The following RNF152 variants were observed in gnomAD, a reference collection of about 807,000 sequenced individuals.
The protein encoded by RNF152 is ring finger protein 152.
A neutral mutation model predicts 12.7 loss-of-function variants in RNF152; 11 were observed. The ratio of observed to expected loss-of-function variants is 0.86; its 90% CI spans 0.54 to 1.43. RNF152 has a LOEUF of 1.43. RNF152 is among the 40% of genes most tolerant of loss of function. The probability of loss-of-function intolerance (pLI) is 0.00; values close to 1 mark genes in which losing one functional copy is unlikely to be tolerated. For missense variants in RNF152, 255 were observed against 274.8 expected (o/e 0.93, Z 0.51); for synonymous variants, 113 against 120.3 (o/e 0.94, Z 0.40).
At chr18:61,884,761 G>A (rs1176509930) in intron 1 of RNF152, among the ~76,000 whole-genome samples, 3 of 152,170 alleles carry the variant, frequency 2.0e-5, no homozygotes, top group Admixed American at 2.0e-4. Context: ...GTTTCTCCAT[G>A]TTGGCCAGGC....
intron 1 of RNF152, among the ~76,000 whole-genome samples, chr18:61,858,296 C>T (rs1043991013): frequency 1.3e-5 from 2 of 152,020 alleles, no homozygotes; most frequent in Admixed American, 1.3e-4. Flanking sequence ...CCTGCCAGCC[C>T]CTCCCTCCCC....
chr18:61,844,130 G>T lies in RNF152; in HGVS notation c.-135-27532C>A, dbSNP rs1599288070. 1.5e-5 allele frequency among the ~76,000 whole-genome samples: 2 copies of T among 134,376 alleles called. 1 individual carries two copies. The highest frequency in any genetic ancestry group is 5.0e-4 in the South Asian group (2 of 4,000). 88.2% of individuals were successfully genotyped at this position (134,376 alleles called of 152,430 possible). A position where few individuals can be genotyped will look rare whatever the true frequency, so the allele number is the denominator to read the frequency against. On this transcript the variant is annotated intron_variant, in intron 1 of 1. Coordinates refer to ENST00000312828, the MANE Select transcript of RNF152 (RefSeq NM_173557.3). ...AGAAAGAAAGAAAGAAAGAAAGAAAGAAAGAAAGAAATTAAGAGAAAAGGA... is the reference window on the plus strand; with the variant it reads ...AGAAAGAAAGAAAGAAAGAAAGAAATAAAGAAAGAAATTAAGAGAAAAGGA...
At chr18:61,869,943 G>A (rs967152967) in intron 1 of RNF152, among the ~76,000 whole-genome samples, 1 of 152,188 alleles carries the variant, frequency 6.6e-6, no homozygotes, top group African/African-American at 2.4e-5. Flanking sequence ...GTGTCACTAG[G>A]ATTTGCTAGA....
At chr18:61,846,865 C>T (rs1910762310) in intron 1 of RNF152, among the ~76,000 whole-genome samples, 1 of 152,134 alleles carries the variant, frequency 6.6e-6, no homozygotes, top group Non-Finnish European at 1.5e-5. Flanking sequence ...ATGGAGACTC[C>T]AGAGCTTGGA....
At chr18:61,848,023 C>A (rs985361629) in intron 1 of RNF152, among the ~76,000 whole-genome samples, 1 of 152,178 alleles carries the variant, frequency 6.6e-6, no homozygotes, top group Non-Finnish European at 1.5e-5. Context: ...CTTATGTAAT[C>A]TACCCATCTG....
chr18:61,882,254 G>A (rs1413255446), intron 1 of RNF152, among the ~76,000 whole-genome samples: 3 of 152,158 alleles, frequency 2.0e-5, no homozygotes, highest in East Asian at 1.9e-4. Context: ...GCAGAGAAAC[G>A]AACTCTTTGT....
intron 1 of RNF152, among the ~76,000 whole-genome samples, chr18:61,826,633 C>A (rs1395336114): frequency 2.0e-5 from 3 of 152,148 alleles, no homozygotes; most frequent in Non-Finnish European, 4.4e-5. Context: ...TAAGGAAGAA[C>A]TTTCCCTCCG....
chr18:61,854,038 GC>G (rs1911106098), intron 1 of RNF152, among the ~76,000 whole-genome samples: 1 of 152,212 alleles, frequency 6.6e-6, no homozygotes, highest in South Asian at 2.1e-4. Flanking sequence ...CTGGAAATGA[GC>G]CAAGCTGATA....
chr18:61,887,419 A>G (rs1173400643), intron 1 of RNF152, among the ~76,000 whole-genome samples: 1 of 152,094 alleles, frequency 6.6e-6, no homozygotes, highest in Non-Finnish European at 1.5e-5. Context: ...AAACAGCAAT[A>G]GTAAGAAGAA....
intron 1 of RNF152, among the ~76,000 whole-genome samples, chr18:61,831,517 T>A (rs892950460): frequency 6.6e-6 from 1 of 152,202 alleles, no homozygotes; most frequent in Non-Finnish European, 1.5e-5. Flanking sequence ...ATAATAAGAA[T>A]ATTCAACTTT....
chr18:61,832,087 G>C (rs769059100), intron 1 of RNF152, among the ~76,000 whole-genome samples: 8 of 151,966 alleles, frequency 5.3e-5, no homozygotes, highest in Non-Finnish European at 1.0e-4. Flanking sequence ...AACATCAAAT[G>C]TATTCAGTTT....
intron 1 of RNF152, among the ~76,000 whole-genome samples, chr18:61,844,104 A>AAGAAAGAAAGAAAG (rs1910611931): frequency 1.4e-5 from 2 of 146,786 alleles, no homozygotes; most frequent in Admixed American, 6.8e-5. Flanking sequence ...GAAAGAAAGA[A>AAGAAAGAAAGAAAG]AGAAAGAAAG....
In RNF152 at chr18:61,833,241, C is replaced by T. The variant is rs1051598289; in HGVS notation, c.-135-16643G>A. ...TCACAAACCATTAGCTGATGTAGGT[C>T]GCAAGAATCAGATTAAATTGGTTTA... On this transcript the variant is annotated intron_variant, in intron 1 of 1. Coordinates refer to ENST00000312828, the MANE Select transcript of RNF152 (RefSeq NM_173557.3). 3.3e-5 allele frequency among the ~76,000 whole-genome samples: 5 copies of T among 152,088 alleles called. No individual in the cohort carries two copies. The East Asian group carries it at 9.6e-4, about 29-fold the overall frequency.
At chr18:61,827,279 C>T (rs1909713442) in intron 1 of RNF152, among the ~76,000 whole-genome samples, 1 of 152,176 alleles carries the variant, frequency 6.6e-6, no homozygotes, top group African/African-American at 2.4e-5. Flanking sequence ...TCACCTTGAC[C>T]ATCAAGAAGG....
intron 1 of RNF152, among the ~76,000 whole-genome samples, chr18:61,844,098 GA>G (rs1555702330): frequency 4.8e-5 from 6 of 123,746 alleles, no homozygotes; most frequent in African/African-American, 1.8e-4. Flanking sequence ...AAGAAAGAAA[GA>G]AAGAAAGAAA....
chr18:61,877,676 A>G (rs1488135056), intron 1 of RNF152, among the ~76,000 whole-genome samples: 2 of 152,172 alleles, frequency 1.3e-5, no homozygotes, highest in Middle Eastern at 3.2e-3. Context: ...TCATCATCTC[A>G]TTTTCTGATA....
At chr18:61,883,034 T>C (rs974920596) in intron 1 of RNF152, among the ~76,000 whole-genome samples, 7 of 152,104 alleles carry the variant, frequency 4.6e-5, no homozygotes, top group Non-Finnish European at 1.0e-4. Context: ...CACACTCAGA[T>C]ACCAGCACAG....
At chr18:61,848,689 G>A (rs574713544) in intron 1 of RNF152, among the ~76,000 whole-genome samples, 4 of 152,318 alleles carry the variant, frequency 2.6e-5, no homozygotes, top group African/African-American at 9.6e-5. Flanking sequence ...AGGGTGGAGG[G>A]GGCAAGACAG....
At chr18:61,836,817 T>C (rs1046529647) in intron 1 of RNF152, among the ~76,000 whole-genome samples, 1 of 152,060 alleles carries the variant, frequency 6.6e-6, no homozygotes, top group Non-Finnish European at 1.5e-5. Context: ...AGAAGGGGGA[T>C]TACAATTAAC....
Sources: allele counts gnomAD v4.1 joint callset (sites outside exome capture counted in the v4.1 genomes callset), GRCh38; gene constraint gnomAD v4.1.1; transcripts MANE v1.5; gene names NCBI Gene and HGNC (gene_info 2026-07-23, HGNC 2026-07-21).